The following PRPH2 variants were observed in gnomAD, a reference collection of about 807,000 sequenced individuals.
The protein encoded by PRPH2 is peripherin 2.
A neutral mutation model predicts 31.3 loss-of-function variants in PRPH2; 17 were observed. That is an observed-to-expected ratio of 0.54 (90% CI 0.37 to 0.81). The LOEUF is 0.81. PRPH2 is among the 40% of genes least tolerant of loss of function. The probability of loss-of-function intolerance (pLI) is 0.00; values close to 1 mark genes in which losing one functional copy is unlikely to be tolerated. For synonymous variants in PRPH2, 165 were observed against 184.4 expected, an observed-to-expected ratio of 0.89 and a Z score of 0.85; for missense variants, 430 against 439.7, an observed-to-expected ratio of 0.98 and a Z score of 0.20.
intron 1 of PRPH2, among the ~76,000 whole-genome samples, chr6:42,705,599 A>AAAAAATATATATATATATAT (rs1562424252): frequency 5.6e-4 from 12 of 21,502 alleles, no homozygotes; most frequent in East Asian, 3.1e-3. Context: ...AAAAAAAAAA[A>AAAAAATATATATATATATAT]ATATATATAT....
intron 1 of PRPH2, among the ~76,000 whole-genome samples, chr6:42,706,919 A>G (rs1232826523): frequency 6.6e-6 from 1 of 150,720 alleles, no homozygotes; most frequent in East Asian, 1.9e-4. Context: ...AAATTAGAAC[A>G]TTATATACAT....
At chr6:42,700,456 G>C (rs1455788858) in intron 2 of PRPH2, among the ~76,000 whole-genome samples, 1 of 152,176 alleles carries the variant, frequency 6.6e-6, no homozygotes, top group Admixed American at 6.5e-5. Context: ...ACAGTACCAG[G>C]TAGGGGGAGG....
rs1289006347 is a variant in PRPH2, at chr6:42,700,020, A to T, written c.829-1513T>A. On this transcript the variant is annotated intron_variant, in intron 2 of 2. Transcript: ENST00000230381. The stretch of plus-strand genomic sequence containing the variant: ...GTCACCCAGGCTGGAGTGCAGTGGC[A>T]CGATCTTGGCTCACTGCAATCTCCG... Among the ~76,000 whole-genome samples, 10 of 145,286 alleles carry T rather than the reference A, an allele frequency of 6.9e-5. No individual in the cohort carries two copies. In the Admixed American group the frequency reaches 7.1e-4, roughly 10 times the overall value.
At chr6:42,698,871 TC>T (rs1484062421) in intron 2 of PRPH2, among the ~76,000 whole-genome samples, 3 of 151,998 alleles carry the variant, frequency 2.0e-5, no homozygotes, top group African/African-American at 7.3e-5. Context: ...CTTGGTGAGC[TC>T]CCCGGCAGCT....
At position 42,721,869 on chromosome 6, in the gene PRPH2, T is replaced by A; in HGVS notation, c.466A>T (p.Ile156Phe). Residue 156 changes from isoleucine to phenylalanine, a missense_variant, in exon 1 of 3, where the codon ATC becomes TTC. Ile to Phe is a conservative substitution (Grantham distance 21). Coordinates refer to ENST00000230381, the MANE Select transcript of PRPH2 (RefSeq NM_000322.5). The part of the protein sequence containing the change: ...TPGRCFMKKT[I>F]DMLQIEFKCC... ...TTGAACTCGATCTGCAGCATGTCGA[T>A]GGTCTTCTTCATGAAACACCTGCCA... 1.2e-6 allele frequency: 2 copies of A among 1,614,184 alleles called. No individual in the cohort carries two copies. Among genetic ancestry groups the A allele is most frequent in the Non-Finnish European group, 8.5e-7 (1 of 1,180,020 alleles).
intron 1 of PRPH2, among the ~76,000 whole-genome samples, chr6:42,721,093 G>C (rs541431793): frequency 6.6e-6 from 1 of 152,334 alleles, no homozygotes; most frequent in East Asian, 1.9e-4. Flanking sequence ...GGGCTAGGAG[G>C]TGACTTCCAA....
At chr6:42,711,980 C>A in intron 1 of PRPH2, 1 of 985,258 alleles carries the variant, frequency 1.0e-6, no homozygotes, top group South Asian at 4.7e-5. Flanking sequence ...GACCTCATGT[C>A]CTTCCTCATG....
chr6:42,705,599 A>AAAATATATATATAT (rs1562424252), intron 1 of PRPH2, among the ~76,000 whole-genome samples: 24 of 21,398 alleles, frequency 1.1e-3, no homozygotes, highest in South Asian at 1.6e-3. Flanking sequence ...AAAAAAAAAA[A>AAAATATATATATAT]ATATATATAT....
intron 1 of PRPH2, among the ~76,000 whole-genome samples, chr6:42,705,003 A>G (rs1241054791): frequency 1.3e-5 from 2 of 152,064 alleles, no homozygotes; most frequent in Admixed American, 6.5e-5. Flanking sequence ...TCCCTCACCA[A>G]CCTCATCTCC....
intron 1 of PRPH2, 100 bp from the exon 2 acceptor site, chr6:42,704,711 A>G: frequency 2.6e-6 from 4 of 1,540,332 alleles, no homozygotes; most frequent in Non-Finnish European, 3.6e-6. Flanking sequence ...ATAGTCATTC[A>G]CTCGCACACT....
intron 1 of PRPH2, among the ~76,000 whole-genome samples, chr6:42,709,494 C>G (rs1388171195): frequency 6.6e-6 from 1 of 152,142 alleles, no homozygotes; most frequent in Non-Finnish European, 1.5e-5. Context: ...AGCTGCTATT[C>G]TAGGCGCTGA....
chr6:42,719,478 T>C (rs915674225), intron 1 of PRPH2, among the ~76,000 whole-genome samples: 4 of 151,244 alleles, frequency 2.6e-5, no homozygotes, highest in African/African-American at 9.7e-5. Flanking sequence ...CTGGCTTCAG[T>C]GGACTTCTTA....
intron 1 of PRPH2, among the ~76,000 whole-genome samples, chr6:42,720,232 G>C (rs980680344): frequency 6.6e-6 from 1 of 152,126 alleles, no homozygotes; most frequent in Non-Finnish European, 1.5e-5. Context: ...TGGAGTTACC[G>C]AGAGATTTGA....
At chr6:42,698,685 T>G (rs1464987780) in intron 2 of PRPH2, among the ~76,000 whole-genome samples, 178 bp from the exon 3 acceptor site, 4 of 152,222 alleles carry the variant, frequency 2.6e-5, no homozygotes, top group South Asian at 2.1e-4. Flanking sequence ...TCAACACACC[T>G]GACTCTTCTC....
rs58632063 is a variant in PRPH2 at position 42,709,334 on chromosome 6, T to TAAAAAAAAAAAA, written c.582-4735_582-4724dup. On this transcript the variant is annotated intron_variant, in intron 1 of 2. Transcript: ENST00000230381. ...AACAGAGTGAGACTCTGTCTCAAAT[T>TAAAAAAAAAAAA]AAAAAAAAAAAAAAAAAAAAACTTG... 2.0e-3 allele frequency among the ~76,000 whole-genome samples: 155 copies of TAAAAAAAAAAAA among 76,994 alleles called. 1 individual carries two copies. Among genetic ancestry groups the TAAAAAAAAAAAA allele is most frequent in the South Asian group, 2.8e-3 (6 of 2,166 alleles). The allele number at this position is 76,994 out of a possible 152,430, so 50.5% of individuals were successfully genotyped here. A position where few individuals can be genotyped will look rare whatever the true frequency, so the allele number is the denominator to read the frequency against.
chr6:42,706,848 A>G (rs994890580), intron 1 of PRPH2, among the ~76,000 whole-genome samples: 5 of 152,106 alleles, frequency 3.3e-5, no homozygotes, highest in Non-Finnish European at 7.3e-5. Context: ...CACCAGAGAG[A>G]GGCTTCATGC....
At chr6:42,701,338 G>A (rs1038510305) in intron 2 of PRPH2, among the ~76,000 whole-genome samples, 1 of 151,984 alleles carries the variant, frequency 6.6e-6, no homozygotes, top group Non-Finnish European at 1.5e-5. Flanking sequence ...TGGTCAGGCT[G>A]GTTGCAAACT....
chr6:42,708,011 A>C (rs1221462045), intron 1 of PRPH2, among the ~76,000 whole-genome samples: 1 of 152,222 alleles, frequency 6.6e-6, no homozygotes, highest in Non-Finnish European at 1.5e-5. Flanking sequence ...GATACATGTA[A>C]GAGTGCTTGA....
Position 42,698,240 on chromosome 6 carries a change from G to A in PRPH2, c.*55C>T, listed in dbSNP as rs1799980907. 19 of 1,606,688 alleles carry A rather than the reference G, an allele frequency of 1.2e-5. No homozygotes were observed. Among genetic ancestry groups the A allele is most frequent in the African/African-American group, 2.7e-5 (2 of 74,672 alleles). On this transcript the variant is annotated 3_prime_UTR_variant, in exon 3 of 3. Coordinates refer to ENST00000230381, the MANE Select transcript of PRPH2 (RefSeq NM_000322.5). ...GGAGTTGGATGAGGGGGAGATCCAC[G>A]TTTCTTGGAGTGCACTATTTCTCAG...
Sources: allele counts gnomAD v4.1 joint callset (sites outside exome capture counted in the v4.1 genomes callset), GRCh38; gene constraint gnomAD v4.1.1; transcripts MANE v1.5; gene names NCBI Gene and HGNC (gene_info 2026-07-23, HGNC 2026-07-21).